Variants in NIPSNAP1 observed in about 807,000 individuals in gnomAD.
NIPSNAP1 encodes protein NipSnap homolog 1.
Under a neutral mutation model 49.2 loss-of-function variants are expected in NIPSNAP1, and 25 were observed. That is an observed-to-expected ratio of 0.51 (90% CI 0.37 to 0.71). NIPSNAP1 has a LOEUF of 0.71. Ranked by LOEUF, NIPSNAP1 falls within the 30% of genes least tolerant of loss-of-function variation. NIPSNAP1 has a pLI of 0.00. For missense variants in NIPSNAP1, 294 were observed against 361.0 expected, an observed-to-expected ratio of 0.81 and a Z score of 1.50; for synonymous variants, 143 against 140.7, an observed-to-expected ratio of 1.02 and a Z score of -0.12.
In NIPSNAP1 at chr22:29,561,581, G is replaced by C. The variant is rs1058642; in HGVS notation, c.504C>G (p.Leu168=). ...MLLSRRNQLL[L]EFSFWNEPQP... ...GTGGCTCATTCCAGAAGCTGAACTC[G>C]AGGAGCAGCTGGTTTCTCCTGGACA... Residue 168 remains leucine, a synonymous_variant, in exon 6 of 10, where the codon CTC becomes CTG. Transcript: ENST00000216121. The C allele has an allele frequency of 6.2e-7, 1 of 1,613,780 alleles. No individual in the cohort carries two copies. The highest frequency in any genetic ancestry group is 2.2e-5 in the East Asian group (1 of 44,866).
In NIPSNAP1 at chr22:29,555,709, T is replaced by G. The variant is rs545726376; in HGVS notation, c.*226A>C. The G allele has an allele frequency of 1.8e-6, 1 of 570,452 alleles. No individual in the cohort carries two copies. The highest frequency in any genetic ancestry group is 3.0e-5 in the East Asian group (1 of 33,472). The allele number at this position is 570,452 out of a possible 1,614,324, so 35.3% of individuals were successfully genotyped here. A position where few individuals can be genotyped will look rare whatever the true frequency, so the allele number is the denominator to read the frequency against. ...TCTTTCATTCAGGGAAATCAGAAAC[T>G]ACTTCTAGCAGGGGGAGGGAGGCAG... is the stretch of plus-strand genomic sequence containing the variant. On this transcript the variant is annotated 3_prime_UTR_variant, in exon 10 of 10. Coordinates refer to ENST00000216121, the MANE Select transcript of NIPSNAP1 (RefSeq NM_003634.4).
chr22:29,571,558 G>A (rs2064407782), intron 1 of NIPSNAP1, among the ~76,000 whole-genome samples: 1 of 152,012 alleles, frequency 6.6e-6, no homozygotes, highest in Non-Finnish European at 1.5e-5. Flanking sequence ...CAGGAGGCAG[G>A]GGTGCTTATT....
chr22:29,577,718 TTTTTG>T lies in NIPSNAP1; in HGVS notation c.98+3262_98+3266del, dbSNP rs777313394. 7.2e-4 allele frequency among the ~76,000 whole-genome samples: 108 copies of T among 149,668 alleles called. 1 individual carries two copies. The highest frequency in any genetic ancestry group is 1.0e-3 in the Non-Finnish European group (70 of 67,652). On this transcript the variant is annotated intron_variant, in intron 1 of 9. Coordinates refer to ENST00000216121, the MANE Select transcript of NIPSNAP1 (RefSeq NM_003634.4). The stretch of plus-strand genomic sequence containing the variant: ...TGTGAGCCAACGCACCCGGCATGTT[TTTTTG>T]TTTTGTTTTGTTTTGTTTTGTTTTT...
chr22:29,561,979 A>G, intron 4 of NIPSNAP1, 117 bp from the exon 5 acceptor site: 1 of 816,918 alleles, frequency 1.2e-6, no homozygotes, highest in Admixed American at 2.0e-5. Context: ...TCCCTGTAGC[A>G]GCAAGACTCC....
At chr22:29,571,920 C>T (rs548594767) in intron 1 of NIPSNAP1, among the ~76,000 whole-genome samples, 5 of 151,994 alleles carry the variant, frequency 3.3e-5, no homozygotes, top group South Asian at 4.2e-4. Flanking sequence ...AGATTACAGG[C>T]GCGTACCACC....
intron 1 of NIPSNAP1, chr22:29,580,229 G>A (rs2064487574): frequency 7.7e-7 from 1 of 1,301,798 alleles, no homozygotes; most frequent in African/African-American, 1.5e-5. Flanking sequence ...AACTGTGCAG[G>A]GTCATATATG....
At chr22:29,579,970 ACTGCTCTGTG>A in intron 1 of NIPSNAP1, 2 of 774,846 alleles carry the variant, frequency 2.6e-6, no homozygotes, top group Non-Finnish European at 3.9e-6. Context: ...CAAAAGCCCC[ACTGCTCTGTG>A]CTGTAACATC....
At chr22:29,558,688 A>T (rs2064313019) in intron 9 of NIPSNAP1, among the ~76,000 whole-genome samples, 182 bp downstream of exon 9, 1 of 151,854 alleles carries the variant, frequency 6.6e-6, no homozygotes, top group African/African-American at 2.4e-5. Flanking sequence ...CCCCTAGAGT[A>T]CTCACCTAGG....
intron 4 of NIPSNAP1, among the ~76,000 whole-genome samples, chr22:29,568,006 C>T (rs1022485084): frequency 2.0e-5 from 3 of 147,912 alleles, no homozygotes; most frequent in African/African-American, 7.5e-5. Flanking sequence ...GGAGAAACCC[C>T]GTCTCTACCA....
intron 9 of NIPSNAP1, 99 bp from the exon 10 acceptor site, chr22:29,556,098 G>A: frequency 1.0e-6 from 1 of 994,370 alleles, no homozygotes; most frequent in Non-Finnish European, 1.5e-6. Context: ...TGGGCAGGAG[G>A]AGGCCCCAGA....
chr22:29,561,239 C>T (rs768712798), intron 6 of NIPSNAP1, 37 bp from the exon 7 acceptor site: 1 of 1,610,680 alleles, frequency 6.2e-7, no homozygotes, highest in Admixed American at 1.7e-5. Flanking sequence ...GAATGAGCCC[C>T]CACCTCAGAT....
chr22:29,572,124 G>A (rs553175246), intron 1 of NIPSNAP1, among the ~76,000 whole-genome samples: 5 of 151,918 alleles, frequency 3.3e-5, no homozygotes, highest in South Asian at 2.1e-4. Flanking sequence ...CCAGCATGGC[G>A]AAACCCTGTC....
chr22:29,580,317 T>C, intron 1 of NIPSNAP1: 1 of 969,182 alleles, frequency 1.0e-6, no homozygotes, highest in Non-Finnish European at 1.2e-6. Flanking sequence ...GGCCAAGCCC[T>C]AGCTCAGCCC....
chr22:29,559,691 C>G (rs1238604501), intron 8 of NIPSNAP1, among the ~76,000 whole-genome samples: 1 of 152,156 alleles, frequency 6.6e-6, no homozygotes, highest in Non-Finnish European at 1.5e-5. Flanking sequence ...TTCTCCTTCT[C>G]TTGCCCCACA....
chr22:29,571,406 AGAAT>A (rs1253627335), intron 1 of NIPSNAP1, among the ~76,000 whole-genome samples: 1 of 152,222 alleles, frequency 6.6e-6, no homozygotes, highest in Admixed American at 6.5e-5. Context: ...TAGGATACTG[AGAAT>A]GAATGAATGA....
Position 29,574,883 on chromosome 22 carries a change from A to G in NIPSNAP1, c.99-4351T>C, listed in dbSNP as rs9625832. On this transcript the variant is annotated intron_variant, in intron 1 of 9. Transcript: ENST00000216121. ...GCTCTAAGCCAGGGATCTGTGATGT[A>G]CTTTTCAGTTGCAGGATCTCACTGA... Among the ~76,000 whole-genome samples, 361 of 152,148 alleles carry G rather than the reference A, an allele frequency of 2.4e-3. 3 individuals carry two copies. Among genetic ancestry groups the G allele is most frequent in the African/African-American group, 8.5e-3 (353 of 41,534 alleles).
intron 4 of NIPSNAP1, among the ~76,000 whole-genome samples, chr22:29,563,268 G>A (rs2064348801): frequency 6.6e-6 from 1 of 151,644 alleles, no homozygotes; most frequent in South Asian, 2.1e-4. Flanking sequence ...TCCGTCTCAA[G>A]TAAATAAATA....
chr22:29,565,622 C>T (rs1316286163), intron 4 of NIPSNAP1, among the ~76,000 whole-genome samples: 4 of 152,148 alleles, frequency 2.6e-5, no homozygotes, highest in African/African-American at 4.8e-5. Flanking sequence ...TCAAGTCAAG[C>T]TTAAAATGGG....
intron 8 of NIPSNAP1, 55 bp from the exon 9 acceptor site, chr22:29,559,008 C>T (rs1054538862): frequency 2.3e-6 from 3 of 1,299,956 alleles, no homozygotes; most frequent in Admixed American, 1.7e-5. Flanking sequence ...ATCCCTTACC[C>T]AGCACAGGGC....
Sources: gnomAD v4.1 joint callset for allele counts (sites outside exome capture counted in the v4.1 genomes callset) on GRCh38, gnomAD v4.1.1 for gene constraint, MANE v1.5 for transcripts, NCBI Gene and HGNC (gene_info 2026-07-23, HGNC 2026-07-21) for gene names.